The following ADD3 variants were observed in gnomAD, a reference collection of about 807,000 sequenced individuals.
ADD3 encodes adducin 3.
In ADD3, 25 loss-of-function variants were observed where a neutral mutation model predicts 80.2. The ratio of observed to expected loss-of-function variants is 0.31; its 90% confidence interval spans 0.23 to 0.44. The LOEUF is 0.44. ADD3 is among the 20% of genes least tolerant of loss of function. The pLI is 1.00. For synonymous variants in ADD3, 284 were observed against 289.6 expected, an observed-to-expected ratio of 0.98 and a Z score of 0.20; for missense variants, 829 against 847.5, an observed-to-expected ratio of 0.98 and a Z score of 0.27.
chr10:110,088,423 A>G (rs1847080884), intron 1 of ADD3, among the ~76,000 whole-genome samples: 1 of 152,232 alleles, frequency 6.6e-6, no homozygotes, highest in Admixed American at 6.5e-5. Flanking sequence ...TTATAACCAA[A>G]AAGTATTTTT....
At position 110,059,901 on chromosome 10, in the gene ADD3, T is replaced by C. The variant is rs189418675; in HGVS notation, c.-29-40724T>C. ...ACCAAACACATTAGTCCCACATGGC[T>C]TTTTATTTAGGGACATCATGATGAA... On this transcript the variant is annotated intron_variant, in intron 1 of 14. Coordinates refer to ENST00000356080, the MANE Select transcript of ADD3 (RefSeq NM_016824.5). 9.2e-5 allele frequency among the ~76,000 whole-genome samples: 14 copies of C among 152,358 alleles called. 1 individual carries two copies. The East Asian group carries it at 2.7e-3, about 29-fold the overall frequency.
At position 110,133,885 on chromosome 10, in the gene ADD3, GCTAT is replaced by G. The variant is rs1853389020; in HGVS notation, c.*270_*273del. 2 of 250,626 alleles carry G rather than the reference GCTAT, an allele frequency of 8.0e-6. No individual in the cohort carries two copies. The allele number at this position is 250,626 out of a possible 1,614,324, so 15.5% of individuals were successfully genotyped here. ...GTATTATTATAATTCACCATAAACAGCTATCTGTCTGAATTACTTCAGGCCTTCT... is the reference window on the plus strand; with the variant it reads ...GTATTATTATAATTCACCATAAACAGCTGTCTGAATTACTTCAGGCCTTCT... On this transcript the variant is annotated 3_prime_UTR_variant, in exon 15 of 15. Transcript: ENST00000356080.
intron 1 of ADD3, among the ~76,000 whole-genome samples, chr10:110,013,081 G>T (rs369676434): frequency 6.6e-6 from 1 of 152,014 alleles, no homozygotes; most frequent in Non-Finnish European, 1.5e-5. Context: ...ACAAGGCTAC[G>T]GTTTTTTTGG....
At chr10:110,049,437 A>AC (rs1161352493) in intron 1 of ADD3, among the ~76,000 whole-genome samples, 1 of 152,228 alleles carries the variant, frequency 6.6e-6, no homozygotes, top group Non-Finnish European at 1.5e-5. Context: ...TGGAAAAGCC[A>AC]CAGACACTCA....
At chr10:110,084,936 G>A (rs1303853115) in intron 1 of ADD3, among the ~76,000 whole-genome samples, 1 of 152,018 alleles carries the variant, frequency 6.6e-6, no homozygotes, top group Non-Finnish European at 1.5e-5. Flanking sequence ...TTTGATATTA[G>A]ACTTCTCAGG....
intron 8 of ADD3, among the ~76,000 whole-genome samples, chr10:110,120,644 G>A (rs577157934): frequency 2.6e-5 from 4 of 152,052 alleles, no homozygotes; most frequent in Non-Finnish European, 4.4e-5. Context: ...CTGAGGAATC[G>A]CCACACTGAC....
upstream of ADD3, among the ~76,000 whole-genome samples, chr10:110,007,661 C>A (rs1195493730): frequency 1.3e-5 from 2 of 152,286 alleles, no homozygotes; most frequent in Admixed American, 1.3e-4. Flanking sequence ...ACCAGGCCCT[C>A]CCGGCTGCCG....
intron 1 of ADD3, among the ~76,000 whole-genome samples, chr10:110,081,851 T>C (rs921731613): frequency 1.3e-5 from 2 of 152,220 alleles, no homozygotes; most frequent in African/African-American, 4.8e-5. Context: ...TCTTCATAGT[T>C]AGAAATATAC....
intron 4 of ADD3, among the ~76,000 whole-genome samples, chr10:110,116,814 T>C (rs943513140): frequency 8.5e-5 from 13 of 152,324 alleles, no homozygotes; most frequent in Non-Finnish European, 1.3e-4. Flanking sequence ...CCATTCACCA[T>C]CATATTTTTA....
chr10:110,047,714 TGA>T (rs1857056773), intron 1 of ADD3, among the ~76,000 whole-genome samples: 1 of 152,122 alleles, frequency 6.6e-6, no homozygotes, highest in Admixed American at 6.5e-5. Context: ...TGTTGCAAAA[TGA>T]GAAATGAGAT....
At chr10:110,080,554 A>G (rs529785310) in intron 1 of ADD3, among the ~76,000 whole-genome samples, 22 of 152,362 alleles carry the variant, frequency 1.4e-4, no homozygotes, top group Admixed American at 1.2e-3. Flanking sequence ...TCAAAAGTCA[A>G]TTTCAAAAGT....
rs542249206 is a variant in ADD3, at chr10:110,013,576, A to G, written c.-30+5277A>G. 2.6e-5 allele frequency among the ~76,000 whole-genome samples: 4 copies of G among 152,382 alleles called. No individual in the cohort carries two copies. The East Asian group carries it at 7.7e-4, about 29-fold the overall frequency. On this transcript the variant is annotated intron_variant, in intron 1 of 14. Coordinates refer to ENST00000356080, the MANE Select transcript of ADD3 (RefSeq NM_016824.5). ...ACCAGTGTCTCAAGAAGTATACTAT[A>G]TTAGTGAAACAATAAAATAACAGTG...
At position 110,008,621 on chromosome 10, in the gene ADD3, CG is replaced by C. The variant is rs536105963; in HGVS notation, c.-30+326del. On this transcript the variant is annotated intron_variant, in intron 1 of 14. Transcript: ENST00000356080. ...CGTCTGCTGGTTTTCCCTAGGAAGG[CG>C]GGGAGTACCAAAATCAGTTACTGGC... Among the ~76,000 whole-genome samples, 949 of 152,232 alleles carry C rather than the reference CG, an allele frequency of 6.2e-3. 6 individuals are homozygous for C. The highest frequency in any genetic ancestry group is 8.7e-3 in the Non-Finnish European group (589 of 68,014).
intron 1 of ADD3, among the ~76,000 whole-genome samples, chr10:110,084,589 ACTCT>A (rs367653933): frequency 4.2e-4 from 64 of 152,188 alleles, no homozygotes; most frequent in African/African-American, 3.6e-4. Flanking sequence ...GGGACACGTC[ACTCT>A]CTCTCTCAGG....
intron 10 of ADD3, among the ~76,000 whole-genome samples, chr10:110,124,815 C>T (rs1851939677): frequency 1.3e-5 from 2 of 152,182 alleles, no homozygotes; most frequent in Admixed American, 1.3e-4. Context: ...TTTTGGAGTG[C>T]ATACCACCAA....
chr10:110,132,502 A>G (rs1347913273), intron 14 of ADD3, 102 bp downstream of exon 14: 1 of 659,638 alleles, frequency 1.5e-6, no homozygotes, highest in Non-Finnish European at 2.6e-6. Flanking sequence ...TCATCACAGT[A>G]AGTTTTCCAT....
intron 12 of ADD3, among the ~76,000 whole-genome samples, chr10:110,127,849 G>A (rs1384041414): frequency 2.0e-5 from 3 of 151,910 alleles, no homozygotes; most frequent in Non-Finnish European, 4.4e-5. Flanking sequence ...ACTGTAGAAC[G>A]CACCCTCTAA....
intron 8 of ADD3, chr10:110,121,837 C>T (rs1851536954): frequency 7.5e-6 from 2 of 267,004 alleles, no homozygotes; most frequent in East Asian, 6.8e-5. Flanking sequence ...AATTTGGCAG[C>T]AGAATTCCGT....
intron 1 of ADD3, among the ~76,000 whole-genome samples, chr10:110,062,978 C>G (rs1021929064): frequency 6.6e-5 from 10 of 152,160 alleles, no homozygotes; most frequent in African/African-American, 2.4e-4. Context: ...TTATCTCTCC[C>G]CAGCAGAAAG....
Sources: allele counts gnomAD v4.1 joint callset (sites outside exome capture counted in the v4.1 genomes callset), GRCh38; gene constraint gnomAD v4.1.1; transcripts MANE v1.5; gene names NCBI Gene and HGNC (gene_info 2026-07-23, HGNC 2026-07-21).